DMXL1: variants seen among roughly 807,000 people sequenced by gnomAD.
The protein encoded by DMXL1 is Dmx like 1, also known as dmX-like protein 1.
In DMXL1, 99 loss-of-function variants were observed where a neutral mutation model predicts 319.2. The observed-to-expected ratio is 0.31, with a 90% CI of 0.26 to 0.37. The LOEUF (loss-of-function observed/expected upper bound fraction) is 0.37, where lower values mean the gene tolerates loss of function less well. DMXL1 is among the 10% of genes least tolerant of loss of function. The pLI, the probability that DMXL1 is intolerant of heterozygous loss-of-function variation, is 1.00. For missense variants in DMXL1, 3,745 were observed against 3,595.6 expected (o/e 1.04, Z -1.06); for synonymous variants, 1,385 against 1,235.2 (o/e 1.12, Z -2.54).
chr5:119,091,147 G>C (rs1485704945), intron 1 of DMXL1, among the ~76,000 whole-genome samples: 1 of 152,004 alleles, frequency 6.6e-6, no homozygotes, highest in African/African-American at 2.4e-5. Flanking sequence ...ATCGCCTACT[G>C]GTTGGGGTCA....
intron 6 of DMXL1, among the ~76,000 whole-genome samples, chr5:119,115,373 A>G (rs747272459): frequency 2.6e-5 from 4 of 152,130 alleles, no homozygotes; most frequent in Non-Finnish European, 5.9e-5. Context: ...TGTATACTTT[A>G]TTACCTGTCT....
chr5:119,172,504 C>T (rs1581146983), intron 25 of DMXL1, among the ~76,000 whole-genome samples: 1 of 152,186 alleles, frequency 6.6e-6, no homozygotes, highest in East Asian at 1.9e-4. Flanking sequence ...CTTATTCAAT[C>T]AGTTTGTGAG....
At chr5:119,197,662 A>C (rs998104885) in intron 31 of DMXL1, 93 bp from the exon 32 acceptor site, 4 of 1,144,690 alleles carry the variant, frequency 3.5e-6, no homozygotes, top group African/African-American at 3.1e-5. Context: ...TTTTTCCTGC[A>C]TCTGCTCTCC....
At position 119,197,902 on chromosome 5, in the gene DMXL1, G is replaced by T. The variant is rs201699153; in HGVS notation, c.7691G>T (p.Gly2564Val). The T allele has an allele frequency of 5.6e-6, 9 of 1,614,014 alleles. No homozygotes were observed. The Admixed American group carries it at 1.5e-4, about 27-fold the overall frequency. The change falls in exon 32 of 44, where the codon GGT (glycine) becomes GTT (valine). Residue 2564 changes from glycine to valine, a missense_variant. By Grantham distance (109) the Gly-to-Val change is moderately radical (BLOSUM62 -3). This residue lies in a region of DMXL1 where 1,382 missense variants were observed against 1,269.5 expected (regional missense o/e 1.09). Coordinates refer to ENST00000539542, the MANE Select transcript of DMXL1 (RefSeq NM_001290321.3). ...ACCGCCGAAGAGAGTTTGTCTGCAG[G>T]TCCTGCAATTCTTCGCCACAAAGCT... ...SHTAEESLSAGPAILRHKALL... is the reference protein window; with the variant it reads ...SHTAEESLSAVPAILRHKALL...
intron 9 of DMXL1, chr5:119,128,205 A>C (rs1764030567): frequency 2.3e-6 from 1 of 426,382 alleles, no homozygotes; most frequent in Non-Finnish European, 4.5e-6. Flanking sequence ...TTCTGTGAGA[A>C]GAATCTGGAT....
chr5:119,230,882 A>C (rs1561928513), intron 38 of DMXL1, among the ~76,000 whole-genome samples: 1 of 152,118 alleles, frequency 6.6e-6, no homozygotes, highest in African/African-American at 2.4e-5. Context: ...ACTCCGTCTC[A>C]AAATAAATAA....
chr5:119,073,001 C>A (rs577732363), intron 1 of DMXL1, among the ~76,000 whole-genome samples: 5 of 152,180 alleles, frequency 3.3e-5, no homozygotes, highest in Non-Finnish European at 7.3e-5. Context: ...AATATTGTTG[C>A]ATTCTCTGTC....
intron 2 of DMXL1, 83 bp from the exon 3 acceptor site, chr5:119,101,851 AG>A: frequency 1.2e-6 from 1 of 860,370 alleles, no homozygotes; most frequent in Non-Finnish European, 1.8e-6. Context: ...GCATATTTAA[AG>A]TTATAGTATT....
chr5:119,099,232 A>C (rs1040711456), intron 2 of DMXL1, among the ~76,000 whole-genome samples: 1 of 149,892 alleles, frequency 6.7e-6, no homozygotes, highest in African/African-American at 2.5e-5. Context: ...TGTTTTTCAG[A>C]TGGAGTCTCG....
chr5:119,177,218 C>G, intron 26 of DMXL1, 139 bp from the exon 27 acceptor site: 1 of 480,592 alleles, frequency 2.1e-6, no homozygotes, highest in Non-Finnish European at 3.6e-6. Context: ...TTATATAGCA[C>G]TAGACTGTAC....
chr5:119,213,913 A>G (rs1783226335), intron 34 of DMXL1, among the ~76,000 whole-genome samples: 7 of 152,212 alleles, frequency 4.6e-5, no homozygotes, highest in Admixed American at 4.6e-4. Context: ...CTTAGTTTCC[A>G]TAATATCAAA....
intron 3 of DMXL1, 30 bp downstream of exon 3, chr5:119,102,036 A>C: frequency 7.1e-7 from 1 of 1,399,580 alleles, no homozygotes; most frequent in Non-Finnish European, 1.0e-6. Flanking sequence ...TTCTTTTAGG[A>C]ATTGAAATGT....
intron 32 of DMXL1, among the ~76,000 whole-genome samples, chr5:119,202,537 C>A (rs1381240033): frequency 6.6e-6 from 1 of 152,106 alleles, no homozygotes; most frequent in Non-Finnish European, 1.5e-5. Flanking sequence ...CTATTTAACA[C>A]AAACTTTGTT....
intron 5 of DMXL1, among the ~76,000 whole-genome samples, chr5:119,112,245 G>A (rs1580765214): frequency 6.6e-6 from 1 of 152,250 alleles, no homozygotes; most frequent in Non-Finnish European, 1.5e-5. Flanking sequence ...ACAGGCATGA[G>A]CCACCGTGCC....
chr5:119,155,252 T>C (rs1356485377), intron 19 of DMXL1, among the ~76,000 whole-genome samples: 3 of 152,222 alleles, frequency 2.0e-5, no homozygotes, highest in Non-Finnish European at 4.4e-5. Context: ...CATAAGGCTA[T>C]AGCTGCTATA....
At chr5:119,098,606 C>T (rs537534343) in intron 2 of DMXL1, among the ~76,000 whole-genome samples, 40 of 152,090 alleles carry the variant, frequency 2.6e-4, no homozygotes, top group Non-Finnish European at 4.3e-4. Flanking sequence ...CTTCTATTTG[C>T]ATATGAAAAG....
At chr5:119,131,166 T>A (rs1310092588) in intron 10 of DMXL1, among the ~76,000 whole-genome samples, 1 of 151,912 alleles carries the variant, frequency 6.6e-6, no homozygotes, top group Admixed American at 6.6e-5. Flanking sequence ...TTTTTTTTTT[T>A]TCTTATTGAT....
At chr5:119,216,866 C>A in intron 34 of DMXL1, 35 bp from the exon 35 acceptor site, 1 of 1,135,022 alleles carries the variant, frequency 8.8e-7, no homozygotes. Flanking sequence ...TTACTAAAAT[C>A]AGTGCATTTT....
At chr5:119,216,094 C>CAAA (rs773591355) in intron 34 of DMXL1, among the ~76,000 whole-genome samples, 668 of 37,354 alleles carry the variant, frequency 0.018, 181 homozygotes, top group African/African-American at 0.019. Flanking sequence ...GCATCCATCT[C>CAAA]AAAAAAAAAA....
Sources: gnomAD v4.1 joint callset for allele counts (sites outside exome capture counted in the v4.1 genomes callset) on GRCh38, gnomAD v4.1.1 for gene constraint, gnomAD v4.1.1 regional missense constraint, MANE v1.5 for transcripts, NCBI Gene and HGNC (gene_info 2026-07-23, HGNC 2026-07-21) for gene names.